Variants in MACF1 observed in about 807,000 individuals in gnomAD.
MACF1 encodes the protein microtubule-actin cross-linking factor 1.
MACF1 carries 193 observed loss-of-function variants against 854.8 expected under a neutral mutation model. The observed-to-expected ratio is 0.23, with a 90% CI of 0.20 to 0.25. The LOEUF is 0.25. Among genes scored for constraint, MACF1 ranks in the 10% least tolerant of loss-of-function variants. The pLI, the probability that MACF1 is intolerant of heterozygous loss-of-function variation, is 1.00. For missense variants in MACF1, 7,722 were observed against 8,929.1 expected (o/e 0.86, Z 5.45); for synonymous variants, 3,185 against 3,226.7 (o/e 0.99, Z 0.44).
intron 1 of MACF1, among the ~76,000 whole-genome samples, chr1:39,221,104 G>GT (rs1305198155): frequency 3.9e-5 from 6 of 152,182 alleles, no homozygotes; most frequent in Admixed American, 3.9e-4. Context: ...TTTGGAAACA[G>GT]TAAGAAGATC....
chr1:39,274,429 A>AAT (rs1341437382), intron 6 of MACF1, among the ~76,000 whole-genome samples: 1 of 152,192 alleles, frequency 6.6e-6, no homozygotes, highest in African/African-American at 2.4e-5. Flanking sequence ...TGCATCTGTA[A>AAT]TGAACATGTA....
At chr1:39,136,468 C>T (rs622988) in intron 2 of MACF1, among the ~76,000 whole-genome samples, 2 of 152,108 alleles carry the variant, frequency 1.3e-5, no homozygotes, top group South Asian at 2.1e-4. Flanking sequence ...GGGTGGAAGG[C>T]GTGGTTTATA....
In MACF1 at chr1:39,402,433, G is replaced by A. The variant is rs1414454524; in HGVS notation, c.15816+13775G>A. On this transcript the variant is annotated intron_variant, in intron 58 of 100. Coordinates refer to ENST00000564288, the MANE Select transcript of MACF1 (RefSeq NM_001394062.1). ...ACGGTGTGCTTTCCTTAGTGCCTGG[G>A]ATAGTTTAGAGCACATAGTAGATAC... 3.3e-5 allele frequency among the ~76,000 whole-genome samples: 5 copies of A among 152,246 alleles called. No homozygotes were observed. In the East Asian group the frequency reaches 9.7e-4, roughly 29 times the overall value.
intron 63 of MACF1, 144 bp from the exon 64 acceptor site, chr1:39,429,098 G>T: frequency 1.9e-6 from 1 of 536,046 alleles, no homozygotes. Context: ...GCTAACCAAG[G>T]AGAAGATGAG....
chr1:39,301,482 G>GT (rs1646039709), intron 22 of MACF1, among the ~76,000 whole-genome samples: 1 of 151,526 alleles, frequency 6.6e-6, no homozygotes, highest in Non-Finnish European at 1.5e-5. Context: ...CTGGAATGCA[G>GT]TGGCGCCATC....
In MACF1 at chr1:39,295,814, T is replaced by A. The variant is rs1425266153; in HGVS notation, c.2287T>A (p.Leu763Met). The A allele has an allele frequency of 6.2e-7, 1 of 1,614,148 alleles. No individual in the cohort carries two copies. Among genetic ancestry groups the A allele is most frequent in the Non-Finnish European group, 8.5e-7 (1 of 1,179,992 alleles). ...TTACAGTGCTGCTGTCCAGTCCCAGTTGCAGTGGATGAAGCAGCTGTGCCT... is the reference window on the plus strand; with the variant it reads ...TTACAGTGCTGCTGTCCAGTCCCAGATGCAGTGGATGAAGCAGCTGTGCCT... ...EAYSAAVQSQ[L>M]QWMKQLCLCV... The change falls in exon 20 of 101, where the codon TTG (leucine) becomes ATG (methionine). Residue 763 changes from leucine to methionine, a missense_variant. By Grantham distance (15) the Leu-to-Met change is conservative. Around this residue, in one of 15 missense-constraint regions of MACF1, gnomAD observed 1,137 missense variants for 1,263.0 expected, o/e 0.90. Transcript: ENST00000564288.
At chr1:39,323,753 T>G (rs1183835343) in intron 33 of MACF1, among the ~76,000 whole-genome samples, 1 of 152,174 alleles carries the variant, frequency 6.6e-6, no homozygotes, top group Non-Finnish European at 1.5e-5. Flanking sequence ...GTTAAAACAT[T>G]AACCATACCA....
rs775126081 is a variant in MACF1, at chr1:39,334,329, A to C, written c.7741A>C (p.Thr2581Pro). The change falls in exon 37 of 101, where the codon ACT becomes CCT. Residue 2581 changes from threonine to proline, a missense_variant. This residue lies in a region of MACF1 where 1,531 missense variants were observed against 1,601.6 expected (regional missense o/e 0.96). Coordinates refer to ENST00000564288, the MANE Select transcript of MACF1 (RefSeq NM_001394062.1). ...KREIQEVQAF[T>P]GNFVDLISGQ... The stretch of plus-strand genomic sequence containing the variant: ...AGAAATCCAGGAGGTTCAGGCCTTT[A>C]CTGGAAACTTTGTGGATCTCATTTC... The C allele has an allele frequency of 6.2e-7, 1 of 1,614,024 alleles. No individual in the cohort carries two copies. Among genetic ancestry groups the C allele is most frequent in the African/African-American group, 1.3e-5 (1 of 74,918 alleles).
rs1259055036 is a variant in MACF1, at chr1:39,182,262, G to A, written c.221-48920G>A. 4.0e-5 allele frequency among the ~76,000 whole-genome samples: 6 copies of A among 151,714 alleles called. No homozygotes were observed. In the South Asian group the frequency reaches 8.3e-4, roughly 21 times the overall value. On this transcript the variant is annotated intron_variant, in intron 2 of 93. Transcript: ENST00000361689. ...AGCTAAAATTACAAAACTATTAGAA[G>A]AAAACTTAGGGGTAAATCTTTGTGA...
intron 2 of MACF1, among the ~76,000 whole-genome samples, chr1:39,197,933 C>T (rs773058779): frequency 6.6e-6 from 1 of 152,106 alleles, no homozygotes; most frequent in Non-Finnish European, 1.5e-5. Context: ...TGGAGTGGCT[C>T]ATGTCTATAA....
intron 93 of MACF1, among the ~76,000 whole-genome samples, chr1:39,463,148 G>A (rs908972669): frequency 6.6e-6 from 1 of 152,124 alleles, no homozygotes; most frequent in Admixed American, 6.5e-5. Context: ...ATACTAATTT[G>A]GAACAGACAA....
At chr1:39,298,796 G>T in intron 21 of MACF1, 1 of 350,404 alleles carries the variant, frequency 2.9e-6, no homozygotes, top group Non-Finnish European at 5.6e-6. Context: ...GGTACTGCAA[G>T]TATGAAGGAG....
intron 52 of MACF1, among the ~76,000 whole-genome samples, chr1:39,373,921 C>T (rs1190485535): frequency 6.6e-6 from 1 of 151,142 alleles, no homozygotes; most frequent in Admixed American, 6.6e-5. Context: ...TATAATCTTT[C>T]ACTGCAAATT....
rs1642601304 is a variant in MACF1 at position 39,118,455 on chromosome 1, T to A, written c.220+34017T>A. Among the ~76,000 whole-genome samples the A allele has an allele frequency of 2.0e-5, 3 of 152,370 alleles. No homozygotes were observed. In the South Asian group the frequency reaches 6.2e-4, roughly 32 times the overall value. The stretch of plus-strand genomic sequence containing the variant: ...TCCTTGTTTTCATTCTTGTTCTTAT[T>A]GTTAATAAGTGTAATAACAGTATTC... On this transcript the variant is annotated intron_variant, in intron 2 of 93. Transcript: ENST00000361689.
rs180903019 is a variant in MACF1 at position 39,207,420 on chromosome 1, A to T, written c.109+2289A>T. On this transcript the variant is annotated intron_variant, in intron 1 of 100. Transcript: ENST00000564288. ...CTCAGTCTCCTGAGTAGCTGGTAAT[A>T]CAGGCATGTGCCACCACAGCCGGCT... Among the ~76,000 whole-genome samples, 42 of 152,094 alleles carry T rather than the reference A, an allele frequency of 2.8e-4. No individual in the cohort carries two copies. The East Asian group carries it at 8.1e-3, about 29-fold the overall frequency.
rs202194912 is a variant in MACF1, at chr1:39,465,048, T to C, written c.21754-47T>C. 9 of 1,576,962 alleles carry C rather than the reference T, an allele frequency of 5.7e-6. No homozygotes were observed. The East Asian group carries it at 2.0e-4, about 35-fold the overall frequency. On this transcript the variant is annotated intron_variant, in intron 94 of 100. Coordinates refer to ENST00000564288, the MANE Select transcript of MACF1 (RefSeq NM_001394062.1). ...TGTTAATTTGACAAAATGTTCTCTTTTTTTTTCCCCTCCTTTCCTCCATCC... is the reference window on the plus strand; with the variant it reads ...TGTTAATTTGACAAAATGTTCTCTTCTTTTTTCCCCTCCTTTCCTCCATCC...
chr1:39,331,172 CTTTTTTTTTTTTT>C lies in MACF1; in HGVS notation c.4615-15_4615-3del, dbSNP rs71060310. 10,807 of 1,274,152 alleles carry C rather than the reference CTTTTTTTTTTTTT, an allele frequency of 8.5e-3. 2 individuals carry two copies. Among genetic ancestry groups the C allele is most frequent in the South Asian group, 0.021 (1,229 of 59,112 alleles). 78.9% of individuals were successfully genotyped at this position (1,274,152 alleles called of 1,614,324 possible). ...TCAGTTTTCTTTTTCTTCTCTTTTCCTTTTTTTTTTTTTTTTTTTTTTTTTTTTAGGAATGCAG... is the reference window on the plus strand; with the variant it reads ...TCAGTTTTCTTTTTCTTCTCTTTTCCTTTTTTTTTTTTTTTAGGAATGCAG... On this transcript the variant is annotated intron_variant, in intron 36 of 100. Coordinates refer to ENST00000564288, the MANE Select transcript of MACF1 (RefSeq NM_001394062.1).
At chr1:39,130,752 C>T (rs932225527) in intron 2 of MACF1, among the ~76,000 whole-genome samples, 2 of 152,050 alleles carry the variant, frequency 1.3e-5, no homozygotes, top group African/African-American at 4.8e-5. Flanking sequence ...GAAAAGGGTT[C>T]CTTTTGCTGG....
Position 39,309,587 on chromosome 1 carries a change from A to G in MACF1, c.2807A>G (p.Gln936Arg). 1.2e-6 allele frequency: 2 copies of G among 1,614,210 alleles called. No individual in the cohort carries two copies. Among genetic ancestry groups the G allele is most frequent in the Non-Finnish European group, 1.7e-6 (2 of 1,180,020 alleles). The change falls in exon 24 of 101, where the codon CAG becomes CGG. Residue 936 changes from glutamine to arginine, a missense_variant. This residue lies in a region of MACF1 where 1,137 missense variants were observed against 1,263.0 expected (regional missense o/e 0.90). Coordinates refer to ENST00000564288, the MANE Select transcript of MACF1 (RefSeq NM_001394062.1). ...EMASRVEQSY[Q>R]KVMALWHQLH... Reference sequence around the variant, plus strand: ...ATTTCTAGGGTCGAACAATCTTATCAGAAGGTTATGGCCCTTTGGCATCAG... The same window carrying G: ...ATTTCTAGGGTCGAACAATCTTATCGGAAGGTTATGGCCCTTTGGCATCAG...
Sources: allele counts gnomAD v4.1 joint callset (sites outside exome capture counted in the v4.1 genomes callset), GRCh38; gene constraint gnomAD v4.1.1; regional missense constraint gnomAD v4.1.1; transcripts MANE v1.5; gene names NCBI Gene and HGNC (gene_info 2026-07-23, HGNC 2026-07-21).